DHX29: variants seen among roughly 807,000 people sequenced by gnomAD.
DHX29 encodes the protein ATP-dependent RNA helicase DHX29.
DHX29 carries 79 observed loss-of-function variants against 167.9 expected under a neutral mutation model. The ratio of observed to expected loss-of-function variants is 0.47; its 90% CI spans 0.39 to 0.57. DHX29 has a LOEUF of 0.57. DHX29 is among the 20% of genes least tolerant of loss of function. The pLI is 0.00. For synonymous variants in DHX29, 530 were observed against 546.0 expected, an observed-to-expected ratio of 0.97 and a Z score of 0.41; for missense variants, 1,347 against 1,593.4, an observed-to-expected ratio of 0.85 and a Z score of 2.63.
chr5:55,273,572 G>T (rs1746954316), intron 16 of DHX29, 195 bp from the exon 17 acceptor site: 1 of 600,722 alleles, frequency 1.7e-6, no homozygotes, highest in Non-Finnish European at 2.4e-6. Context: ...AACAAATTAT[G>T]CGAATAGGAT....
intron 17 of DHX29, 84 bp from the exon 18 acceptor site, chr5:55,272,259 A>G (rs1428790551): frequency 3.5e-6 from 3 of 851,370 alleles, no homozygotes; most frequent in Non-Finnish European, 1.8e-6. Context: ...TGAGCTGATG[A>G]AATTTAAAAA....
intron 25 of DHX29, among the ~76,000 whole-genome samples, chr5:55,260,278 C>G (rs1471219284): frequency 6.6e-6 from 1 of 151,976 alleles, no homozygotes; most frequent in African/African-American, 2.4e-5. Context: ...GTTGCCCAGG[C>G]TGGAGTGCAG....
chr5:55,278,640 A>T lies in DHX29; in HGVS notation c.2110-1358T>A, dbSNP rs570304949. 2.4e-3 allele frequency among the ~76,000 whole-genome samples: 362 copies of T among 152,378 alleles called. 2 individuals carry two copies. In the Middle Eastern group the frequency reaches 0.024, roughly 10 times the overall value. Reference sequence around the variant, plus strand: ...GATGGTTTGAAATTATATTTGAAGCATAGCTAATCCAGATGGTCAAGAAGG... The same window carrying T: ...GATGGTTTGAAATTATATTTGAAGCTTAGCTAATCCAGATGGTCAAGAAGG... On this transcript the variant is annotated intron_variant, in intron 12 of 26. Transcript: ENST00000251636.
chr5:55,258,681 G>A (rs1746165978), intron 26 of DHX29, among the ~76,000 whole-genome samples: 1 of 152,126 alleles, frequency 6.6e-6, no homozygotes, highest in Non-Finnish European at 1.5e-5. Context: ...CTCCCAAGTA[G>A]CTGAGACAAC....
chr5:55,290,107 T>G, intron 7 of DHX29, 111 bp downstream of exon 7: 1 of 1,306,492 alleles, frequency 7.7e-7, no homozygotes, highest in Non-Finnish European at 1.0e-6. Flanking sequence ...ATCCCATGTA[T>G]AAACTGTTAG....
chr5:55,275,456 T>C (rs1206029835), intron 14 of DHX29, among the ~76,000 whole-genome samples: 1 of 152,194 alleles, frequency 6.6e-6, no homozygotes, highest in African/African-American at 2.4e-5. Context: ...AAGTCTTTCT[T>C]TAGTTTGTAA....
At chr5:55,300,782 C>A (rs751425845) in intron 1 of DHX29, among the ~76,000 whole-genome samples, 1 of 152,120 alleles carries the variant, frequency 6.6e-6, no homozygotes, top group Non-Finnish European at 1.5e-5. Flanking sequence ...AAATAATATC[C>A]GTTTTTGCAA....
rs747361905 is a variant in DHX29 at position 55,283,255 on chromosome 5, A to G, written c.1913T>C (p.Leu638Ser). 9 of 1,611,784 alleles carry G rather than the reference A, an allele frequency of 5.6e-6. No individual in the cohort carries two copies. Among genetic ancestry groups the G allele is most frequent in the Non-Finnish European group, 7.6e-6 (9 of 1,178,442 alleles). Residue 638 changes from leucine (L) to serine (S), a missense_variant, in exon 11 of 27, where the codon TTA becomes TCA. This residue lies in a region of DHX29 where 882 missense variants were observed against 1,082.4 expected (regional missense o/e 0.81). Coordinates refer to ENST00000251636, the MANE Select transcript of DHX29 (RefSeq NM_019030.4). ...TQPRRISAVS[L>S]ANRVCDELGC... ...CAATTCATCACATACTCTGTTGGCT[A>G]AACTAACTGCTGAGATTCTTCGGGG...
chr5:55,277,338 G>A (rs1747169536), intron 12 of DHX29, 56 bp from the exon 13 acceptor site: 1 of 1,232,174 alleles, frequency 8.1e-7, no homozygotes, highest in Non-Finnish European at 1.1e-6. Context: ...ATTCTAGTAA[G>A]AGGCTTGAAC....
intron 26 of DHX29, among the ~76,000 whole-genome samples, chr5:55,258,712 G>T (rs775568634): frequency 2.6e-5 from 4 of 152,054 alleles, no homozygotes; most frequent in African/African-American, 9.7e-5. Context: ...CACCAGGCCC[G>T]GCTAACTTTT....
At chr5:55,275,031 G>A (rs1246178844) in intron 14 of DHX29, 21 bp from the exon 15 acceptor site, 1 of 1,603,216 alleles carries the variant, frequency 6.2e-7, no homozygotes, top group Admixed American at 1.8e-5. Flanking sequence ...TCCAACCAGA[G>A]GGAGGTGAAT....
Position 55,296,230 on chromosome 5 carries a change from G to A in DHX29, c.495C>T (p.Asn165=). Residue 165 remains asparagine, a synonymous_variant, in exon 4 of 27, where the codon AAC becomes AAT. Coordinates refer to ENST00000251636, the MANE Select transcript of DHX29 (RefSeq NM_019030.4). The part of the protein sequence containing the change: ...LHSALDWLCL[N]LSDDALPEGF... Reference sequence around the variant, plus strand: ...AATGATATTGTTTACCATCTGAAAGGTTTAAACAGAGCCAATCCAAGGCAG... The same window carrying A: ...AATGATATTGTTTACCATCTGAAAGATTTAAACAGAGCCAATCCAAGGCAG... The A allele has an allele frequency of 1.2e-6, 2 of 1,611,848 alleles. No homozygotes were observed. The highest frequency in any genetic ancestry group is 1.7e-6 in the Non-Finnish European group (2 of 1,179,048).
In DHX29 at chr5:55,262,641, A is replaced by G. The variant is rs757602649; in HGVS notation, c.3817T>C (p.Tyr1273His). 5 of 1,613,920 alleles carry G rather than the reference A, an allele frequency of 3.1e-6. No homozygotes were observed. In the East Asian group the frequency reaches 6.7e-5, roughly 22 times the overall value. ...AATGAGTACTTCACCTTCTCCTGGT[A>G]TAAGAGCCATCCATGAGTTTGCAAA... ...RDLQTHGWLL[Y>H]QEKIRYARVY... Residue 1273 changes from tyrosine to histidine, a missense_variant, in exon 24 of 27, where the codon TAC (tyrosine) becomes CAC (histidine). By Grantham distance (83) the Tyr-to-His change is moderately conservative (BLOSUM62 2). This residue lies in a region of DHX29 where 882 missense variants were observed against 1,082.4 expected (regional missense o/e 0.81). Transcript: ENST00000251636.
chr5:55,263,276 A>T (rs1038043847), intron 23 of DHX29, among the ~76,000 whole-genome samples: 1 of 152,200 alleles, frequency 6.6e-6, no homozygotes. Context: ...GAGGATGGTC[A>T]GCATTGAGAA....
chr5:55,293,589 A>T (rs1748157633), intron 6 of DHX29, among the ~76,000 whole-genome samples: 1 of 152,124 alleles, frequency 6.6e-6, no homozygotes, highest in African/African-American at 2.4e-5. Flanking sequence ...TATGTATAGA[A>T]GTCCTTTGTC....
chr5:55,306,631 G>A (rs960829109), intron 1 of DHX29, among the ~76,000 whole-genome samples: 2 of 152,072 alleles, frequency 1.3e-5, no homozygotes, highest in Admixed American at 1.3e-4. Flanking sequence ...CATCTTATCA[G>A]ACACATACTA....
chr5:55,266,760 C>T (rs1235617951), intron 23 of DHX29, among the ~76,000 whole-genome samples: 1 of 151,948 alleles, frequency 6.6e-6, no homozygotes, highest in African/African-American at 2.4e-5. Context: ...GGACTACAGG[C>T]GTGTGCTACC....
chr5:55,296,180 A>T (rs938570128), intron 4 of DHX29, 40 bp downstream of exon 4: 5 of 1,565,022 alleles, frequency 3.2e-6, no homozygotes, highest in Non-Finnish European at 4.3e-6. Context: ...AACTACTTCA[A>T]AAGGTTTAGA....
chr5:55,273,597 G>A (rs1746956474), intron 16 of DHX29, among the ~76,000 whole-genome samples: 1 of 152,138 alleles, frequency 6.6e-6, no homozygotes, highest in Non-Finnish European at 1.5e-5. Flanking sequence ...TTTTTTTAAT[G>A]TTCTTTCTAA....
Sources: allele counts gnomAD v4.1 joint callset (sites outside exome capture counted in the v4.1 genomes callset), GRCh38; gene constraint gnomAD v4.1.1; regional missense constraint gnomAD v4.1.1; transcripts MANE v1.5; gene names NCBI Gene and HGNC (gene_info 2026-07-23, HGNC 2026-07-21).